Variants in NPAS2 observed in about 807,000 individuals in gnomAD.
NPAS2 encodes neuronal PAS domain protein 2, also known as neuronal PAS domain-containing protein 2.
NPAS2 carries 23 observed loss-of-function variants against 107.5 expected under a neutral mutation model. The ratio of observed to expected loss-of-function variants is 0.21; its 90% CI spans 0.15 to 0.30. NPAS2 has a LOEUF of 0.30. NPAS2 is among the 10% of genes least tolerant of loss of function. The pLI, the probability that NPAS2 is intolerant of heterozygous loss-of-function variation, is 1.00. For synonymous variants in NPAS2, 403 were observed against 417.5 expected (o/e 0.97, Z 0.42); for missense variants, 756 against 1,043.3 (o/e 0.72, Z 3.79).
chr2:100,866,990 G>T (rs531786475), intron 1 of NPAS2, among the ~76,000 whole-genome samples: 3 of 152,206 alleles, frequency 2.0e-5, no homozygotes, highest in African/African-American at 4.8e-5. Context: ...TTACAGGTTA[G>T]TTAATTTATT....
intron 1 of NPAS2, among the ~76,000 whole-genome samples, chr2:100,831,236 C>T (rs1373046939): frequency 2.0e-5 from 3 of 152,010 alleles, no homozygotes; most frequent in African/African-American, 4.8e-5. Flanking sequence ...GCGGAGGTTG[C>T]GGTGGACTGA....
At chr2:100,894,177 G>A (rs979593318) in intron 1 of NPAS2, among the ~76,000 whole-genome samples, 1 of 152,190 alleles carries the variant, frequency 6.6e-6, no homozygotes, top group Non-Finnish European at 1.5e-5. Flanking sequence ...AGCCTTTGGG[G>A]CAGAAATTTC....
intron 2 of NPAS2, among the ~76,000 whole-genome samples, chr2:100,921,603 G>A (rs1046365822): frequency 2.6e-5 from 4 of 152,086 alleles, no homozygotes; most frequent in Non-Finnish European, 4.4e-5. Context: ...CTGGAAAATA[G>A]GCAGAAGATT....
At chr2:100,877,167 T>A (rs1268665628) in intron 1 of NPAS2, among the ~76,000 whole-genome samples, 2 of 152,086 alleles carry the variant, frequency 1.3e-5, no homozygotes, top group Non-Finnish European at 2.9e-5. Flanking sequence ...ATTGCTGTAT[T>A]TGAAATGATT....
chr2:100,903,827 A>G (rs1225698195), intron 1 of NPAS2, among the ~76,000 whole-genome samples: 1 of 152,034 alleles, frequency 6.6e-6, no homozygotes, highest in Non-Finnish European at 1.5e-5. Context: ...CACCCCAGAC[A>G]GGTGGGGCTC....
chr2:100,900,626 G>C (rs1044311434), intron 1 of NPAS2, among the ~76,000 whole-genome samples: 1 of 152,122 alleles, frequency 6.6e-6, no homozygotes, highest in African/African-American at 2.4e-5. Flanking sequence ...ACTCAACACT[G>C]GTGATGTTAA....
chr2:100,866,811 G>A (rs1679284834), intron 1 of NPAS2, among the ~76,000 whole-genome samples: 1 of 152,162 alleles, frequency 6.6e-6, no homozygotes, highest in South Asian at 2.1e-4. Context: ...CAAGATTTGG[G>A]GTGAAGTGAA....
intron 1 of NPAS2, 126 bp from the exon 2 acceptor site, chr2:100,904,607 G>A: frequency 1.5e-6 from 1 of 676,344 alleles, no homozygotes; most frequent in South Asian, 2.0e-5. Context: ...AGGGGTGCCA[G>A]GACCAACAAG....
At chr2:100,942,985 A>G (rs1387445442) in intron 5 of NPAS2, among the ~76,000 whole-genome samples, 2 of 152,158 alleles carry the variant, frequency 1.3e-5, no homozygotes, top group African/African-American at 4.8e-5. Flanking sequence ...CATTCATCCC[A>G]GTTAGGGATT....
At chr2:100,940,219 A>G (rs562809870) in intron 5 of NPAS2, among the ~76,000 whole-genome samples, 52 of 152,264 alleles carry the variant, frequency 3.4e-4, no homozygotes, top group South Asian at 2.3e-3. Context: ...GGAAGCCCCA[A>G]TGGCCCAGGC....
In NPAS2 at chr2:100,990,214, T is replaced by G. The variant is rs1307946265; in HGVS notation, c.1828-42T>G. The G allele has an allele frequency of 1.9e-6, 3 of 1,591,424 alleles. No homozygotes were observed. The Admixed American group carries it at 5.0e-5, about 27-fold the overall frequency. ...GGTTTCCTGGAGAGATGGCCCAGGG[T>G]TGAGTCCAAGTCTTACCTTTCTCAT... On this transcript the variant is annotated intron_variant, in intron 17 of 20. Coordinates refer to ENST00000335681, the MANE Select transcript of NPAS2 (RefSeq NM_002518.4).
intron 1 of NPAS2, among the ~76,000 whole-genome samples, chr2:100,851,246 G>A (rs959333894): frequency 6.6e-6 from 1 of 152,234 alleles, no homozygotes; most frequent in Non-Finnish European, 1.5e-5. Context: ...AGTGTGAACA[G>A]TACTGAGCTG....
At chr2:100,935,183 C>A in intron 4 of NPAS2, 1 of 801,958 alleles carries the variant, frequency 1.2e-6, no homozygotes, top group Non-Finnish European at 1.5e-6. Flanking sequence ...AGCAGTTGCA[C>A]TCAAAAGGAG....
At chr2:100,926,431 A>G (rs964511427) in intron 3 of NPAS2, among the ~76,000 whole-genome samples, 4 of 152,198 alleles carry the variant, frequency 2.6e-5, no homozygotes, top group Admixed American at 2.0e-4. Flanking sequence ...CATCCTTGGC[A>G]ACACTTATTA....
chr2:100,820,009 C>G (rs1020725972), upstream of NPAS2: 12 of 150,734 alleles, frequency 8.0e-5, no homozygotes, highest in African/African-American at 2.4e-4. The surrounding 1 kb of genome is among the most constrained non-coding windows in gnomAD (Gnocchi z 5.6). Context: ...CAGGAGAGAC[C>G]CCGCAGGCGG....
intron 11 of NPAS2, among the ~76,000 whole-genome samples, chr2:100,969,523 G>A (rs766557873): frequency 9.2e-5 from 14 of 152,152 alleles, no homozygotes; most frequent in Non-Finnish European, 1.8e-4. Context: ...TTCCCGCAAA[G>A]GACATGAACT....
chr2:100,830,451 T>C (rs1238142588), intron 1 of NPAS2, among the ~76,000 whole-genome samples: 1 of 152,116 alleles, frequency 6.6e-6, no homozygotes, highest in Admixed American at 6.5e-5. Context: ...TAGGTATTTC[T>C]ACTAATGCTA....
At chr2:100,819,780 C>T (rs890912446), upstream of NPAS2, among the ~76,000 whole-genome samples, 61 of 137,994 alleles carry the variant, frequency 4.4e-4, no homozygotes, top group African/African-American at 1.7e-3. The surrounding 1 kb of genome is among the most constrained non-coding windows in gnomAD (Gnocchi z 5.8). Flanking sequence ...GCCGGCTCAC[C>T]TGGAAGCACA....
intron 4 of NPAS2, chr2:100,934,840 ATC>A: frequency 3.0e-6 from 3 of 985,304 alleles, no homozygotes; most frequent in Non-Finnish European, 3.6e-6. Flanking sequence ...CCAGCTGCCC[ATC>A]TCTCTGTTTT....
Sources: gnomAD v4.1 joint callset for allele counts (sites outside exome capture counted in the v4.1 genomes callset) on GRCh38, gnomAD v4.1.1 for gene constraint, Gnocchi (gnomAD v3.1) non-coding constraint, MANE v1.5 for transcripts, NCBI Gene and HGNC (gene_info 2026-07-23, HGNC 2026-07-21) for gene names.